The following RBFOX1 variants were observed in gnomAD, a reference collection of about 807,000 sequenced individuals.
RBFOX1 encodes RNA binding protein fox-1 homolog 1.
RBFOX1 carries 8 observed loss-of-function variants against 57.7 expected under a neutral mutation model. That is an observed-to-expected ratio of 0.14 (90% confidence interval 0.08 to 0.25). RBFOX1 has a LOEUF of 0.25. RBFOX1 is among the 10% of genes least tolerant of loss of function. The pLI is 1.00. For missense variants in RBFOX1, 611 were observed against 548.5 expected, an observed-to-expected ratio of 1.11 and a Z score of -1.14; for synonymous variants, 326 against 222.4, an observed-to-expected ratio of 1.47 and a Z score of -4.15.
intron 2 of RBFOX1, among the ~76,000 whole-genome samples, chr16:6,567,430 C>T (rs1302749309): frequency 6.6e-6 from 1 of 152,292 alleles, no homozygotes; most frequent in East Asian, 1.9e-4. Context: ...GCTGGCAGTT[C>T]TCATGATTCA....
In RBFOX1 at chr16:6,788,958, T is replaced by A. The variant is rs149971008; in HGVS notation, c.-16+134308T>A. The stretch of plus-strand genomic sequence containing the variant: ...GTTCCTCCTAGCATTCTCTATTCTT[T>A]CCGCCGCACAATGGGACATGTGGTT... On this transcript the variant is annotated intron_variant, in intron 3 of 15. Coordinates refer to ENST00000550418, the MANE Select transcript of RBFOX1 (RefSeq NM_018723.4). Among the ~76,000 whole-genome samples the A allele has an allele frequency of 9.8e-4, 149 of 152,216 alleles. 1 individual carries two copies. The highest frequency in any genetic ancestry group is 3.4e-3 in the Middle Eastern group (1 of 294).
intron 2 of RBFOX1, among the ~76,000 whole-genome samples, chr16:6,546,408 A>G (rs1001821636): frequency 1.3e-5 from 2 of 152,198 alleles, no homozygotes; most frequent in Admixed American, 6.5e-5. Flanking sequence ...CAAGGAGCCC[A>G]AAGTCAGGGT....
At chr16:6,642,827 A>T (rs541058031) in intron 2 of RBFOX1, among the ~76,000 whole-genome samples, 1 of 152,260 alleles carries the variant, frequency 6.6e-6, no homozygotes, top group East Asian at 1.9e-4. Context: ...AGATTCCTCC[A>T]AATGTTTATA....
chr16:6,096,329 C>T (rs1471379510), intron 1 of RBFOX1, among the ~76,000 whole-genome samples: 1 of 152,118 alleles, frequency 6.6e-6, no homozygotes, highest in East Asian at 1.9e-4. Context: ...TCAGGAAAAT[C>T]GTTCCCCAGA....
At chr16:6,233,904 T>G (rs1042994106) in intron 1 of RBFOX1, among the ~76,000 whole-genome samples, 5 of 152,324 alleles carry the variant, frequency 3.3e-5, no homozygotes, top group Non-Finnish European at 4.4e-5. Context: ...ATAGAATACC[T>G]GAGACTGAGT....
chr16:7,070,995 T>C (rs574709773), intron 4 of RBFOX1, among the ~76,000 whole-genome samples: 2 of 152,270 alleles, frequency 1.3e-5, no homozygotes, highest in African/African-American at 4.8e-5. Context: ...TGTTGTCAAG[T>C]TGTCCTCAAG....
intron 1 of RBFOX1, among the ~76,000 whole-genome samples, chr16:5,293,924 A>T (rs1251252360): frequency 6.6e-6 from 1 of 152,172 alleles, no homozygotes; most frequent in African/African-American, 2.4e-5. Context: ...ATGTTGTGTG[A>T]ATTTTGCCTC....
intron 4 of RBFOX1, among the ~76,000 whole-genome samples, chr16:7,073,911 C>T (rs1013774925): frequency 4.7e-4 from 52 of 109,866 alleles, no homozygotes; most frequent in Non-Finnish European, 9.1e-4. Context: ...AAAAAATTGA[C>T]TGACAATCCA....
rs2043175426 is a variant in RBFOX1 at position 7,032,878 on chromosome 16, A to G, written c.-15-19179A>G. Among the ~76,000 whole-genome samples, 3 of 152,024 alleles carry G rather than the reference A, an allele frequency of 2.0e-5. No homozygotes were observed. The South Asian group carries it at 6.2e-4, about 32-fold the overall frequency. On this transcript the variant is annotated intron_variant, in intron 3 of 15. Coordinates refer to ENST00000550418, the MANE Select transcript of RBFOX1 (RefSeq NM_018723.4). ...ACTTGTCTAACTTCCAGATTCTCAA[A>G]TTTCTGCAGCTGAGAGCATGTCTCT...
At chr16:7,351,263 C>T (rs780917133) in intron 4 of RBFOX1, among the ~76,000 whole-genome samples, 1 of 152,174 alleles carries the variant, frequency 6.6e-6, no homozygotes, top group Non-Finnish European at 1.5e-5. Flanking sequence ...TCAGTTCATT[C>T]GTACCTAAAA....
At chr16:6,791,811 G>A (rs953592570) in intron 3 of RBFOX1, among the ~76,000 whole-genome samples, 1 of 152,108 alleles carries the variant, frequency 6.6e-6, no homozygotes, top group African/African-American at 2.4e-5. Flanking sequence ...ATCCCTGTGT[G>A]TACACAGTCA....
intron 1 of RBFOX1, among the ~76,000 whole-genome samples, chr16:6,024,226 A>G (rs1305669030): frequency 6.6e-6 from 1 of 152,176 alleles, no homozygotes; most frequent in Non-Finnish European, 1.5e-5. Context: ...GGAATGTACC[A>G]CATGTTAGAC....
chr16:6,706,905 A>G (rs973985701), intron 3 of RBFOX1, among the ~76,000 whole-genome samples: 2 of 151,994 alleles, frequency 1.3e-5, no homozygotes, highest in African/African-American at 4.8e-5. Flanking sequence ...TTTTTGCAAT[A>G]TTGCTAGTTG....
At chr16:6,597,440 G>A (rs1342682573) in intron 2 of RBFOX1, among the ~76,000 whole-genome samples, 4 of 152,032 alleles carry the variant, frequency 2.6e-5, no homozygotes, top group African/African-American at 7.2e-5. Context: ...TTGGGAGGCC[G>A]AGGTGGGCGG....
At chr16:7,639,638 T>G (rs1324489804) in intron 11 of RBFOX1, among the ~76,000 whole-genome samples, 1 of 152,170 alleles carries the variant, frequency 6.6e-6, no homozygotes, top group Non-Finnish European at 1.5e-5. Flanking sequence ...TCAAACGCAG[T>G]GCTCCTAGGG....
At chr16:7,550,771 A>G (rs1455920319) in intron 5 of RBFOX1, among the ~76,000 whole-genome samples, 1 of 152,088 alleles carries the variant, frequency 6.6e-6, no homozygotes, top group Non-Finnish European at 1.5e-5. Context: ...AGTATCCACA[A>G]TGACTACCTG....
At chr16:6,112,858 T>G (rs2096461212) in intron 1 of RBFOX1, among the ~76,000 whole-genome samples, 1 of 152,212 alleles carries the variant, frequency 6.6e-6, no homozygotes, top group Non-Finnish European at 1.5e-5. Context: ...TTGGAAATCT[T>G]TGTAGAGGGG....
chr16:6,890,665 T>C (rs1347106440), intron 3 of RBFOX1, among the ~76,000 whole-genome samples: 2 of 152,218 alleles, frequency 1.3e-5, no homozygotes, highest in East Asian at 1.9e-4. Flanking sequence ...GGGATTTATC[T>C]CCATCTTGTC....
intron 3 of RBFOX1, among the ~76,000 whole-genome samples, chr16:6,851,397 T>G (rs4129042): frequency 0.69 from 105,604 of 152,058 alleles, 36,872 homozygotes; most frequent in Admixed American, 0.74. Context: ...GCAATAAGAG[T>G]AGAGGTCATG....
Sources: gnomAD v4.1 joint callset for allele counts (sites outside exome capture counted in the v4.1 genomes callset) on GRCh38, gnomAD v4.1.1 for gene constraint, MANE v1.5 for transcripts, NCBI Gene and HGNC (gene_info 2026-07-23, HGNC 2026-07-21) for gene names.